PTK2: variants seen among roughly 807,000 people sequenced by gnomAD.
PTK2 encodes focal adhesion kinase 1.
In PTK2, 45 loss-of-function variants were observed where a neutral mutation model predicts 150.1. That is an observed-to-expected ratio of 0.30 (90% confidence interval 0.24 to 0.38). The LOEUF (loss-of-function observed/expected upper bound fraction) is 0.38. Among genes scored for constraint, PTK2 ranks in the 10% least tolerant of loss-of-function variants. The probability of loss-of-function intolerance (pLI) is 1.00; values close to 1 mark genes in which losing one functional copy is unlikely to be tolerated. For synonymous variants in PTK2, 432 were observed against 449.2 expected (o/e 0.96, Z 0.48); for missense variants, 919 against 1,307.3 (o/e 0.70, Z 4.58).
intron 5 of PTK2, among the ~76,000 whole-genome samples, chr8:140,856,077 C>A (rs982393475): frequency 2.0e-5 from 3 of 152,072 alleles, no homozygotes; most frequent in Admixed American, 6.5e-5. Flanking sequence ...GAAGAATAAA[C>A]AACATAAACA....
chr8:140,735,079 T>C (rs2100051798), intron 22 of PTK2, 172 bp downstream of exon 25: 1 of 645,072 alleles, frequency 1.6e-6, no homozygotes, highest in Non-Finnish European at 2.7e-6. Context: ...TACTTAAGAC[T>C]CTAGCAAGGT....
chr8:140,836,146 T>G (rs576891543), intron 7 of PTK2, among the ~76,000 whole-genome samples: 159 of 152,262 alleles, frequency 1.0e-3, no homozygotes, highest in Admixed American at 1.7e-3. Flanking sequence ...TTAGAAGTGT[T>G]TTGGGTCTCT....
intron 10 of PTK2, among the ~76,000 whole-genome samples, chr8:140,806,739 G>A (rs910137064): frequency 2.0e-5 from 3 of 152,106 alleles, no homozygotes; most frequent in African/African-American, 7.2e-5. Flanking sequence ...GCCTTCCAAT[G>A]TATTGTGCTA....
intron 7 of PTK2, among the ~76,000 whole-genome samples, chr8:140,841,944 T>C: frequency 6.6e-6 from 1 of 151,626 alleles, no homozygotes. Context: ...TGTCCACTAT[T>C]ATGTGGCTGT....
chr8:140,775,699 T>C (rs746448474), intron 14 of PTK2, among the ~76,000 whole-genome samples: 1 of 152,118 alleles, frequency 6.6e-6, no homozygotes, highest in Non-Finnish European at 1.5e-5. Flanking sequence ...ATTTAAATAC[T>C]AGGCCCTGAA....
At chr8:140,828,023 C>T (rs2100112899) in intron 8 of PTK2, among the ~76,000 whole-genome samples, 1 of 151,848 alleles carries the variant, frequency 6.6e-6, no homozygotes, top group Admixed American at 6.6e-5. Context: ...AAAAATTAGC[C>T]AGGTGTGGTG....
chr8:140,768,165 A>G (rs939491426), intron 14 of PTK2, among the ~76,000 whole-genome samples: 2 of 151,966 alleles, frequency 1.3e-5, no homozygotes, highest in Admixed American at 6.6e-5. Context: ...ATCCTCAGCA[A>G]AATTATTTGA....
rs746925922 is a variant in PTK2, at chr8:140,846,592, A to C, written c.530+7T>G. 6.3e-7 allele frequency: 1 copy of C among 1,588,988 alleles called. No individual in the cohort carries two copies. The highest frequency in any genetic ancestry group is 1.1e-5 in the South Asian group (1 of 90,090). On this transcript the variant is annotated splice_region_variant and intron_variant, in intron 6 of 31. Transcript: ENST00000522684. The stretch of plus-strand genomic sequence containing the variant: ...ATAAAGGCCGCAATGTATAGTTATC[A>C]TCTTACCGTATTTCTAGACAACCCA...
At chr8:140,867,194 G>C (rs768047684) in intron 4 of PTK2, among the ~76,000 whole-genome samples, 2 of 152,054 alleles carry the variant, frequency 1.3e-5, no homozygotes, top group Non-Finnish European at 2.9e-5. Context: ...GACATCACAG[G>C]GTTTTCATTT....
chr8:140,852,994 C>T (rs1314722176), intron 5 of PTK2, among the ~76,000 whole-genome samples: 1 of 152,132 alleles, frequency 6.6e-6, no homozygotes, highest in Admixed American at 6.5e-5. Flanking sequence ...AACTGGCCAC[C>T]AATTTGAACC....
intron 1 of PTK2, among the ~76,000 whole-genome samples, chr8:140,957,807 C>T (rs1176801648): frequency 6.6e-6 from 1 of 152,158 alleles, no homozygotes; most frequent in African/African-American, 2.4e-5. Flanking sequence ...GAGCAATAGG[C>T]TATACTATAT....
intron 23 of PTK2, among the ~76,000 whole-genome samples, chr8:140,716,678 T>C (rs557062913): frequency 6.6e-6 from 1 of 152,362 alleles, no homozygotes; most frequent in South Asian, 2.1e-4. Flanking sequence ...TAAATAGTAC[T>C]TTGTCTTATC....
At chr8:140,763,983 TAG>T (rs1265177099) in intron 15 of PTK2, among the ~76,000 whole-genome samples, 2 of 152,162 alleles carry the variant, frequency 1.3e-5, no homozygotes, top group Admixed American at 1.3e-4. Flanking sequence ...TCTATTATGA[TAG>T]AGTCAGAAAA....
chr8:140,779,611 G>A (rs1189978406), intron 14 of PTK2, among the ~76,000 whole-genome samples: 1 of 152,120 alleles, frequency 6.6e-6, no homozygotes, highest in Non-Finnish European at 1.5e-5. Context: ...AGAAGTCCCA[G>A]AAGACAGAGG....
At chr8:140,920,721 T>G in intron 2 of PTK2, 1 of 1,185,782 alleles carries the variant, frequency 8.4e-7, no homozygotes, top group South Asian at 2.1e-5. Context: ...ACTGTAAATA[T>G]ATTGAAATAA....
intron 5 of PTK2, among the ~76,000 whole-genome samples, chr8:140,859,203 T>C (rs1033977839): frequency 3.9e-5 from 6 of 152,146 alleles, no homozygotes; most frequent in African/African-American, 1.4e-4. Context: ...TTGTAAAGCA[T>C]GACAACTGGC....
At position 140,835,953 on chromosome 8, in the gene PTK2, G is replaced by A. The variant is rs148075471; in HGVS notation, c.594-5427C>T. On this transcript the variant is annotated intron_variant, in intron 7 of 31. Coordinates refer to ENST00000522684, the Ensembl canonical transcript of PTK2. The stretch of plus-strand genomic sequence containing the variant: ...AGTGAGTATGGGGTTGGGGGAGTGA[G>A]TACTCCCTGTGACGAGAATGGCATC... 7.2e-5 allele frequency among the ~76,000 whole-genome samples: 11 copies of A among 152,160 alleles called. 1 individual carries two copies. In the East Asian group the frequency reaches 1.9e-3, roughly 27 times the overall value.
At chr8:140,764,395 G>A (rs565687093) in intron 14 of PTK2, 105 bp from the exon 17 acceptor site, 7 of 844,644 alleles carry the variant, frequency 8.3e-6, no homozygotes, top group African/African-American at 5.1e-5. Context: ...CCTCTACTAC[G>A]CTGAAATATT....
rs991297184 is a variant in PTK2 at position 140,693,607 on chromosome 8, C to T, written c.2500-6913G>A. 4.2e-5 allele frequency among the ~76,000 whole-genome samples: 5 copies of T among 118,816 alleles called. 1 individual carries two copies. Among genetic ancestry groups the T allele is most frequent in the African/African-American group, 6.9e-5 (2 of 28,942 alleles). 77.9% of individuals were successfully genotyped at this position (118,816 alleles called of 152,430 possible). ...AAAAAAAAAAAAAAAAAAAAAGGAGCACTAGGTATAGTACAGAGTATCTGC... is the reference window on the plus strand; with the variant it reads ...AAAAAAAAAAAAAAAAAAAAAGGAGTACTAGGTATAGTACAGAGTATCTGC... On this transcript the variant is annotated intron_variant, in intron 26 of 31. Coordinates refer to ENST00000522684, the Ensembl canonical transcript of PTK2.
Sources: allele counts gnomAD v4.1 joint callset (sites outside exome capture counted in the v4.1 genomes callset), GRCh38; gene constraint gnomAD v4.1.1; transcripts MANE v1.5; gene names NCBI Gene and HGNC (gene_info 2026-07-23, HGNC 2026-07-21).